The following P4HA3 variants were observed in gnomAD, a reference collection of about 807,000 sequenced individuals.
P4HA3 encodes prolyl 4-hydroxylase subunit alpha-3.
In P4HA3, 60 loss-of-function variants were observed where a neutral mutation model predicts 66.7. The ratio of observed to expected loss-of-function variants is 0.90; its 90% CI spans 0.73 to 1.12. The LOEUF (loss-of-function observed/expected upper bound fraction) is 1.12, where lower values mean the gene tolerates loss of function less well. Among genes scored for constraint, P4HA3 ranks in the 50% most tolerant of loss-of-function variants. The pLI is 0.00. For missense variants in P4HA3, 683 were observed against 685.8 expected (o/e 1.00, Z 0.05); for synonymous variants, 263 against 274.6 (o/e 0.96, Z 0.42).
At chr11:74,282,190 C>T (rs1860631794) in intron 7 of P4HA3, among the ~76,000 whole-genome samples, 2 of 151,032 alleles carry the variant, frequency 1.3e-5, no homozygotes, top group South Asian at 4.2e-4. Flanking sequence ...TAAGGAGTCA[C>T]CTTATATTTA....
At chr11:74,252,468 T>C (rs2135687769) in intron 15 of P4HA3, 1 of 456,246 alleles carries the variant, frequency 2.2e-6, no homozygotes, top group South Asian at 1.6e-5. Flanking sequence ...GGGAATGGAA[T>C]GGGTGCCTCT....
At chr11:74,268,103 C>T (rs1860052658) in intron 12 of P4HA3, 42 bp downstream of exon 12, 2 of 1,554,374 alleles carry the variant, frequency 1.3e-6, no homozygotes, top group Admixed American at 1.7e-5. Flanking sequence ...CTCTACTCTG[C>T]ACCCTGTACC....
downstream of P4HA3, among the ~76,000 whole-genome samples, chr11:74,265,069 A>C (rs551042910): frequency 1.3e-5 from 2 of 152,312 alleles, no homozygotes; most frequent in Non-Finnish European, 2.9e-5. Context: ...ATTGACCTCA[A>C]AGGGTTGGAA....
At chr11:74,271,868 C>T (rs561573420) in intron 10 of P4HA3, among the ~76,000 whole-genome samples, 1 of 152,306 alleles carries the variant, frequency 6.6e-6, no homozygotes, top group South Asian at 2.1e-4. Flanking sequence ...TAATCTAGCA[C>T]TTCCCTGGTC....
chr11:74,285,620 C>A, intron 7 of P4HA3, 189 bp downstream of exon 7: 1 of 581,982 alleles, frequency 1.7e-6, no homozygotes, highest in Non-Finnish European at 3.0e-6. Context: ...CCAGTTAATC[C>A]TTTCCCTCTA....
At chr11:74,251,808 C>T (rs781769502) in intron 15 of P4HA3, 1 of 1,515,400 alleles carries the variant, frequency 6.6e-7, no homozygotes, top group South Asian at 1.1e-5. Context: ...TGCCTTACCC[C>T]TGCCTGGTTT....
intron 7 of P4HA3, 90 bp from the exon 8 acceptor site, chr11:74,279,542 A>G: frequency 7.7e-7 from 1 of 1,294,194 alleles, no homozygotes; most frequent in Non-Finnish European, 1.1e-6. Context: ...TCTCTTAAGC[A>G]TCAACATAAC....
chr11:74,281,869 TATA>T (rs57363098), intron 7 of P4HA3, among the ~76,000 whole-genome samples: 49,424 of 144,364 alleles, frequency 0.34, 8,428 homozygotes, highest in Middle Eastern at 0.39. Flanking sequence ...AAACTTAAAG[TATA>T]ATAATAATAA....
In P4HA3 at chr11:74,267,065, A is replaced by C; in HGVS notation, c.*183T>G. ...GACTTCCGTGGCTGGGGCAGATCAA[A>C]TGTACATTCTCAGTGTCCCCTGGTA... On this transcript the variant is annotated 3_prime_UTR_variant, in exon 13 of 13. Transcript: ENST00000331597. 1 of 1,536,984 alleles carries C rather than the reference A, an allele frequency of 6.5e-7. No individual in the cohort carries two copies. The highest frequency in any genetic ancestry group is 1.2e-5 in the South Asian group (1 of 84,038).
At chr11:74,272,219 TACACACAC>T (rs10534821) in intron 10 of P4HA3, among the ~76,000 whole-genome samples, 3 of 150,398 alleles carry the variant, frequency 2.0e-5, no homozygotes, top group Admixed American at 6.6e-5. Flanking sequence ...TGCACACACA[TACACACAC>T]ACACACACAC....
chr11:74,270,347 C>A (rs959759231), intron 10 of P4HA3, among the ~76,000 whole-genome samples: 3 of 152,230 alleles, frequency 2.0e-5, no homozygotes, highest in Non-Finnish European at 4.4e-5. Context: ...CTCTGCTCCT[C>A]TCCAGGGAAC....
At chr11:74,280,776 C>T (rs1860564929) in intron 7 of P4HA3, among the ~76,000 whole-genome samples, 1 of 152,092 alleles carries the variant, frequency 6.6e-6, no homozygotes, top group Admixed American at 6.5e-5. Context: ...GGGCAATGAG[C>T]TACACAGACA....
rs545359673 is a variant in P4HA3, at chr11:74,269,359, G to A, written c.1467+293C>T. 3.3e-5 allele frequency among the ~76,000 whole-genome samples: 5 copies of A among 152,326 alleles called. No individual in the cohort carries two copies. The East Asian group carries it at 5.8e-4, about 18-fold the overall frequency. On this transcript the variant is annotated intron_variant, in intron 11 of 12. Coordinates refer to ENST00000331597, the MANE Select transcript of P4HA3 (RefSeq NM_182904.5). ...AACTAGATGCTGTAGAGGATCCAAA[G>A]TAAATAAAACAGAGCTCTTATCTTG... is the stretch of plus-strand genomic sequence containing the variant.
intron 1 of P4HA3, among the ~76,000 whole-genome samples, chr11:74,309,203 C>A (rs1861655623): frequency 6.6e-6 from 1 of 152,184 alleles, no homozygotes; most frequent in Admixed American, 6.5e-5. Flanking sequence ...CTTGAGTGAG[C>A]AACTAGACTT....
In P4HA3 at chr11:74,302,439, G is replaced by A. The variant is rs970193334; in HGVS notation, c.497C>T (p.Ala166Val). The change falls in exon 3 of 13, where the codon GCC (alanine) becomes GTC (valine). Residue 166 changes from alanine (A) to valine (V), a missense_variant. Physicochemically the swap from Ala to Val is moderately conservative, Grantham distance 64 (BLOSUM62 0). Coordinates refer to ENST00000331597, the MANE Select transcript of P4HA3 (RefSeq NM_182904.5). ...TTTGGGGCTGTACAGGTCAGTGATG[G>A]CAGAGCCAGTGACTCTCTGAAAGAC... ...RGVFQRVTGS[A>V]ITDLYSPKRL... The A allele has an allele frequency of 1.1e-5, 18 of 1,613,980 alleles. No individual in the cohort carries two copies. The highest frequency in any genetic ancestry group is 1.4e-5 in the Non-Finnish European group (17 of 1,180,026).
At chr11:74,268,342 T>A (rs899527607) in intron 11 of P4HA3, 101 bp from the exon 12 acceptor site, 1 of 986,400 alleles carries the variant, frequency 1.0e-6, no homozygotes. Context: ...TGAAGAAGCC[T>A]TTCCATGCAG....
chr11:74,266,832 A>T lies in P4HA3; in HGVS notation c.*416T>A. On this transcript the variant is annotated 3_prime_UTR_variant, in exon 13 of 13. Coordinates refer to ENST00000331597, the MANE Select transcript of P4HA3 (RefSeq NM_182904.5). ...CAGAAGGCAGTGGGGAGAAAGTCTT[A>T]AAGTTCTGGGAGTCAGGCTAGCCCC... 2 of 585,688 alleles carry T rather than the reference A, an allele frequency of 3.4e-6. No individual in the cohort carries two copies. Among genetic ancestry groups the T allele is most frequent in the Non-Finnish European group, 5.8e-6 (2 of 344,048 alleles). The allele number at this position is 585,688 out of a possible 1,614,324, so 36.3% of individuals were successfully genotyped here.
intron 5 of P4HA3, among the ~76,000 whole-genome samples, chr11:74,288,369 A>T (rs1463915537): frequency 6.6e-6 from 1 of 152,200 alleles, no homozygotes; most frequent in Admixed American, 6.5e-5. Flanking sequence ...AATCCTGCTG[A>T]GTCACTTTCC....
intron 10 of P4HA3, 107 bp from the exon 11 acceptor site, chr11:74,269,827 C>T: frequency 8.9e-7 from 1 of 1,119,358 alleles, no homozygotes; most frequent in African/African-American, 1.6e-5. Context: ...TTTTCTTCAA[C>T]TCTGAGAGAA....
Sources: gnomAD v4.1 joint callset for allele counts (sites outside exome capture counted in the v4.1 genomes callset) on GRCh38, gnomAD v4.1.1 for gene constraint, MANE v1.5 for transcripts, NCBI Gene and HGNC (gene_info 2026-07-23, HGNC 2026-07-21) for gene names.